CCSER1: variants seen among roughly 807,000 people sequenced by gnomAD.
CCSER1 encodes serine-rich coiled-coil domain-containing protein 1.
CCSER1 carries 41 observed loss-of-function variants against 82.0 expected under a neutral mutation model. The observed-to-expected ratio is 0.50, with a 90% CI of 0.39 to 0.65. CCSER1 has a LOEUF of 0.65. Among genes scored for constraint, CCSER1 ranks in the 30% least tolerant of loss-of-function variants. CCSER1 has a pLI of 0.00. For synonymous variants in CCSER1, 414 were observed against 383.9 expected (o/e 1.08, Z -0.92); for missense variants, 1,119 against 1,064.2 (o/e 1.05, Z -0.72).
chr4:90,173,154 A>G (rs189786051), intron 1 of CCSER1, among the ~76,000 whole-genome samples: 1 of 151,824 alleles, frequency 6.6e-6, no homozygotes, highest in Non-Finnish European at 1.5e-5. Context: ...AGAAATTAAG[A>G]TATCAATTTA....
At chr4:91,586,630 G>A (rs1012560085) in intron 10 of CCSER1, among the ~76,000 whole-genome samples, 5 of 151,774 alleles carry the variant, frequency 3.3e-5, no homozygotes, top group Non-Finnish European at 7.4e-5. Context: ...ATTTTCAAGA[G>A]CAAAAGCCAA....
intron 10 of CCSER1, among the ~76,000 whole-genome samples, chr4:91,147,696 T>G (rs745797030): frequency 6.6e-6 from 1 of 152,114 alleles, no homozygotes; most frequent in Non-Finnish European, 1.5e-5. Context: ...TCTCTCCTGC[T>G]CCCAGGCAGC....
intron 5 of CCSER1, among the ~76,000 whole-genome samples, chr4:90,624,968 GA>G (rs1288810319): frequency 6.6e-6 from 1 of 152,156 alleles, no homozygotes; most frequent in African/African-American, 2.4e-5. Flanking sequence ...GGTGATTAAT[GA>G]ACCACTGTAT....
intron 1 of CCSER1, among the ~76,000 whole-genome samples, chr4:90,138,030 C>T (rs1425577471): frequency 6.6e-6 from 1 of 152,134 alleles, no homozygotes; most frequent in Admixed American, 6.5e-5. Context: ...CTTGTTTGTA[C>T]TTAATGCTCA....
intron 10 of CCSER1, among the ~76,000 whole-genome samples, chr4:91,376,356 G>A (rs1750411977): frequency 6.6e-6 from 1 of 152,172 alleles, no homozygotes; most frequent in Non-Finnish European, 1.5e-5. Context: ...GAACCTTTGA[G>A]CATGTGATAG....
At chr4:90,327,266 C>T (rs1561035696) in intron 3 of CCSER1, among the ~76,000 whole-genome samples, 1 of 152,098 alleles carries the variant, frequency 6.6e-6, no homozygotes, top group Admixed American at 6.5e-5. Flanking sequence ...TGTATTTTTA[C>T]CCATTGGTGT....
At chr4:90,609,179 T>C (rs1418137389) in intron 5 of CCSER1, among the ~76,000 whole-genome samples, 2 of 152,108 alleles carry the variant, frequency 1.3e-5, no homozygotes, top group African/African-American at 4.8e-5. Flanking sequence ...TTTGTTTCCA[T>C]TGCATCCCTT....
intron 7 of CCSER1, among the ~76,000 whole-genome samples, chr4:90,748,307 A>G (rs931666430): frequency 2.0e-5 from 3 of 148,078 alleles, no homozygotes; most frequent in Non-Finnish European, 3.0e-5. Context: ...TGTTCTTGCA[A>G]TAGTTTACTG....
intron 10 of CCSER1, among the ~76,000 whole-genome samples, chr4:91,591,621 T>G (rs1318093158): frequency 2.6e-5 from 4 of 152,156 alleles, no homozygotes; most frequent in Admixed American, 2.6e-4. Context: ...TTTTTTATTT[T>G]TATAAATTAG....
chr4:90,598,594 C>T (rs1482402034), intron 5 of CCSER1, among the ~76,000 whole-genome samples: 1 of 152,102 alleles, frequency 6.6e-6, no homozygotes, highest in Non-Finnish European at 1.5e-5. Context: ...TATTTGTTGG[C>T]CATTTTTATG....
intron 3 of CCSER1, among the ~76,000 whole-genome samples, chr4:90,394,603 A>G (rs1197762338): frequency 6.6e-6 from 1 of 152,190 alleles, no homozygotes; most frequent in Non-Finnish European, 1.5e-5. Flanking sequence ...TAATTAGAAC[A>G]CGTATTACAT....
chr4:91,483,007 T>C (rs1042418443), intron 10 of CCSER1, among the ~76,000 whole-genome samples: 1 of 151,882 alleles, frequency 6.6e-6, no homozygotes. Flanking sequence ...GAGGAGTTAA[T>C]GGGTGCAGCA....
At chr4:90,634,858 G>T (rs1439320981) in intron 6 of CCSER1, among the ~76,000 whole-genome samples, 2 of 151,722 alleles carry the variant, frequency 1.3e-5, no homozygotes, top group African/African-American at 4.8e-5. Flanking sequence ...TGCTGGTCCA[G>T]AAATATGTTT....
intron 10 of CCSER1, among the ~76,000 whole-genome samples, chr4:91,555,524 C>A (rs1253083295): frequency 6.6e-6 from 1 of 150,806 alleles, no homozygotes; most frequent in Non-Finnish European, 1.5e-5. Context: ...TATATACTGT[C>A]TAAAGAGGAA....
intron 10 of CCSER1, among the ~76,000 whole-genome samples, chr4:91,521,039 C>A (rs940705805): frequency 6.6e-6 from 1 of 152,100 alleles, no homozygotes; most frequent in Non-Finnish European, 1.5e-5. Flanking sequence ...TCCCCCAGAC[C>A]CCCGCCCCTG....
At chr4:91,165,299 C>CCGAACAGCAAATAT (rs1560483508) in intron 10 of CCSER1, among the ~76,000 whole-genome samples, 6 of 152,198 alleles carry the variant, frequency 3.9e-5, no homozygotes, top group Non-Finnish European at 8.8e-5. Flanking sequence ...ACAGCAAATA[C>CCGAACAGCAAATAT]TGCTGCCTGA....
At chr4:91,513,000 T>C (rs1759910452) in intron 10 of CCSER1, among the ~76,000 whole-genome samples, 1 of 152,108 alleles carries the variant, frequency 6.6e-6, no homozygotes. Flanking sequence ...TCCAGTATTG[T>C]GTTAAATAGG....
intron 3 of CCSER1, among the ~76,000 whole-genome samples, chr4:90,391,499 G>T: frequency 1.6e-5 from 1 of 64,228 alleles, no homozygotes; most frequent in Non-Finnish European, 2.5e-5. Flanking sequence ...CACACACAGT[G>T]GGTAAATATA....
rs1456652903 is a variant in CCSER1, at chr4:90,215,153, CTATA to C, written c.-42+87325_-42+87328del. Among the ~76,000 whole-genome samples, 4 of 152,124 alleles carry C rather than the reference CTATA, an allele frequency of 2.6e-5. No homozygotes were observed. The East Asian group carries it at 7.7e-4, about 29-fold the overall frequency. ...TTATTTAAAAATGATTAGGTAGGAG[CTATA>C]TAAAGATTCTCCTAAGCATGTTCAC... On this transcript the variant is annotated intron_variant, in intron 1 of 10. Coordinates refer to ENST00000509176, the MANE Select transcript of CCSER1 (RefSeq NM_001145065.2).
Sources: allele counts gnomAD v4.1 joint callset (sites outside exome capture counted in the v4.1 genomes callset), GRCh38; gene constraint gnomAD v4.1.1; transcripts MANE v1.5; gene names NCBI Gene and HGNC (gene_info 2026-07-23, HGNC 2026-07-21).